Variants in DDX27 observed in about 807,000 individuals in gnomAD.
The protein encoded by DDX27 is DEAD-box helicase 27.
A neutral mutation model predicts 99.3 loss-of-function variants in DDX27; 42 were observed. The observed-to-expected ratio is 0.42, with a 90% confidence interval of 0.33 to 0.55. The LOEUF is 0.55. Among genes scored for constraint, DDX27 ranks in the 20% least tolerant of loss-of-function variants. The probability of loss-of-function intolerance (pLI) is 0.07; values close to 1 mark genes in which losing one functional copy is unlikely to be tolerated. For missense variants in DDX27, 798 were observed against 976.8 expected, an observed-to-expected ratio of 0.82 and a Z score of 2.44; for synonymous variants, 329 against 353.8, an observed-to-expected ratio of 0.93 and a Z score of 0.79.
Position 49,219,472 on chromosome 20 carries a change from C to A in DDX27, c.24C>A (p.Ile8=), listed in dbSNP as rs1979547397. ...ACATGCTTGCGGACCTCGGCTTAAT[C>A]GGAACCATAGGCGAGGATGACGAGG... The part of the protein sequence containing the change: MLADLGL[I]GTIGEDDEVP... The change falls in exon 1 of 21, where the codon ATC becomes ATA. Residue 8 remains isoleucine, a synonymous_variant. Coordinates refer to ENST00000618172, the MANE Select transcript of DDX27 (RefSeq NM_017895.8). 6 of 1,614,102 alleles carry A rather than the reference C, an allele frequency of 3.7e-6. No individual in the cohort carries two copies. Among genetic ancestry groups the A allele is most frequent in the Non-Finnish European group, 5.1e-6 (6 of 1,180,020 alleles).
At chr20:49,223,102 AGAGC>A in intron 3 of DDX27, 86 bp downstream of exon 3, 1 of 1,450,078 alleles carries the variant, frequency 6.9e-7, no homozygotes, top group Non-Finnish European at 9.6e-7. Flanking sequence ...AAGCCCTTAT[AGAGC>A]GGGGCATGGC....
chr20:49,236,491 G>A lies in DDX27; in HGVS notation c.1668G>A (p.Lys556=). Residue 556 remains lysine (K), a synonymous_variant, in exon 14 of 21, where the codon AAG becomes AAA. Coordinates refer to ENST00000618172, the MANE Select transcript of DDX27 (RefSeq NM_017895.8). The surrounding 1 kb of genome is among the most constrained non-coding windows in gnomAD (Gnocchi z 4.1). ...EIVKAAKAPV[K]ARILPQDVIL... is the part of the protein sequence containing the mutation. ...TAAAAGCTGCCAAGGCCCCTGTGAA[G>A]GCCAGGATACTTCCCCAAGGTGAGC... is the stretch of plus-strand genomic sequence containing the variant. The A allele has an allele frequency of 6.2e-7, 1 of 1,600,270 alleles. No individual in the cohort carries two copies. Among genetic ancestry groups the A allele is most frequent in the Non-Finnish European group, 8.5e-7 (1 of 1,173,450 alleles).
At position 49,228,772 on chromosome 20, in the gene DDX27, A is replaced by G. The variant is rs1401082046; in HGVS notation, c.764A>G (p.Gln255Arg). 2 of 1,612,980 alleles carry G rather than the reference A, an allele frequency of 1.2e-6. No individual in the cohort carries two copies. The highest frequency in any genetic ancestry group is 2.7e-5 in the African/African-American group (2 of 74,810). Residue 255 changes from glutamine (Q) to arginine (R), a missense_variant, in exon 8 of 21, where the codon CAG (glutamine) becomes CGG (arginine). Coordinates refer to ENST00000618172, the MANE Select transcript of DDX27 (RefSeq NM_017895.8). Reference sequence around the variant, plus strand: ...GAGCGTCTGATTTATAAACCCCGCCAGGCTCCAGTCACCCGCGTGCTGGTG... The same window carrying G: ...GAGCGTCTGATTTATAAACCCCGCCGGGCTCCAGTCACCCGCGTGCTGGTG... ...VLERLIYKPR[Q>R]APVTRVLVLV...
chr20:49,233,284 C>T (rs372163589), intron 9 of DDX27, 22 bp from the exon 10 acceptor site: 5 of 1,595,220 alleles, frequency 3.1e-6, no homozygotes, highest in African/African-American at 2.7e-5. Context: ...TCCATTTCTG[C>T]CATGTCTTTC....
At position 49,239,240 on chromosome 20, in the gene DDX27, A is replaced by C. The variant is rs748666131; in HGVS notation, c.1799A>C (p.Asn600Thr). Residue 600 changes from asparagine to threonine, a missense_variant, in exon 16 of 21, where the codon AAT becomes ACT. Transcript: ENST00000618172. The part of the protein sequence containing the change: ...KEMQQSEAQI[N>T]TAKRLLEKGK... ...ATCCTTTTGTTATCTCTACAGATCA[A>C]TACAGCAAAGCGGCTCCTGGAGAAG... 1 of 1,614,078 alleles carries C rather than the reference A, an allele frequency of 6.2e-7. No homozygotes were observed. The highest frequency in any genetic ancestry group is 1.7e-5 in the Admixed American group (1 of 59,998).
At chr20:49,222,604 TC>T (rs757337318) in intron 2 of DDX27, among the ~76,000 whole-genome samples, 2 of 151,974 alleles carry the variant, frequency 1.3e-5, no homozygotes, top group Non-Finnish European at 2.9e-5. Context: ...CACCTCCGCC[TC>T]CCAGGTTCAA....
Position 49,223,263 on chromosome 20 carries a change from C to G in DDX27, c.301-5C>G. The G allele has an allele frequency of 6.3e-7, 1 of 1,598,974 alleles. No individual in the cohort carries two copies. The highest frequency in any genetic ancestry group is 1.1e-5 in the South Asian group (1 of 88,294). The stretch of plus-strand genomic sequence containing the variant: ...TCATCACCCTCACTTTAATTTTTTT[C>G]CCAGGATAAAGAAGCCAAGTCTGGG... On this transcript the variant is annotated splice_region_variant and splice_polypyrimidine_tract_variant and intron_variant, in intron 3 of 20. Transcript: ENST00000618172.
intron 7 of DDX27, among the ~76,000 whole-genome samples, chr20:49,228,229 G>A (rs1221333090): frequency 6.6e-6 from 1 of 151,710 alleles, no homozygotes; most frequent in East Asian, 1.9e-4. Flanking sequence ...TGCAACCTCT[G>A]CCTTCAAGTG....
chr20:49,229,612 A>AGCT (rs1186610569), intron 8 of DDX27, among the ~76,000 whole-genome samples: 1 of 149,974 alleles, frequency 6.7e-6, no homozygotes, highest in Non-Finnish European at 1.5e-5. Context: ...CACTTTCCTC[A>AGCT]GCTGCTTCTC....
intron 14 of DDX27, among the ~76,000 whole-genome samples, chr20:49,237,782 G>T (rs1327676169): frequency 6.6e-6 from 1 of 152,150 alleles, no homozygotes; most frequent in African/African-American, 2.4e-5. Context: ...AGAGAACAAG[G>T]GTGGAGGCTG....
chr20:49,236,389 A>G lies in DDX27; in HGVS notation c.1566A>G (p.Arg522=). The change falls in exon 14 of 21, where the codon CGA becomes CGG. Residue 522 remains arginine (R), a synonymous_variant. Coordinates refer to ENST00000618172, the MANE Select transcript of DDX27 (RefSeq NM_017895.8). The surrounding 1 kb of genome is among the most constrained non-coding windows in gnomAD (Gnocchi z 4.1). ...AACATTATGTCCACCGGGTGGGGCG[A>G]ACAGCACGTGCTGGCAGGGCTGGGC... ...TIKHYVHRVG[R]TARAGRAGRS... is the part of the protein sequence containing the mutation. The G allele has an allele frequency of 1.9e-6, 3 of 1,611,536 alleles. No homozygotes were observed. The highest frequency in any genetic ancestry group is 2.5e-6 in the Non-Finnish European group (3 of 1,178,800).
intron 7 of DDX27, among the ~76,000 whole-genome samples, chr20:49,227,706 A>T (rs1046617538): frequency 3.3e-5 from 5 of 152,040 alleles, no homozygotes; most frequent in African/African-American, 1.2e-4. Context: ...ACAGTGCATG[A>T]GAGGATGTCC....
At chr20:49,227,153 C>T (rs544126395) in intron 7 of DDX27, among the ~76,000 whole-genome samples, 82 of 152,072 alleles carry the variant, frequency 5.4e-4, no homozygotes, top group African/African-American at 1.8e-3. Flanking sequence ...TGAGCCACCG[C>T]GCCCGGCCGA....
intron 4 of DDX27, 91 bp downstream of exon 4, chr20:49,223,524 C>A: frequency 4.1e-6 from 5 of 1,207,670 alleles, no homozygotes; most frequent in African/African-American, 1.5e-5. Flanking sequence ...CTCTTCTGCA[C>A]AGTTTATCTT....
chr20:49,223,137 G>T, intron 3 of DDX27, 121 bp downstream of exon 3: 1 of 1,355,980 alleles, frequency 7.4e-7, no homozygotes, highest in Non-Finnish European at 1.0e-6. Context: ...GCACTCTTCT[G>T]TGTGTTTGCT....
chr20:49,239,724 T>C (rs763593734), intron 16 of DDX27, among the ~76,000 whole-genome samples: 6 of 152,076 alleles, frequency 3.9e-5, no homozygotes, highest in Admixed American at 2.0e-4. Flanking sequence ...GGGACCACTG[T>C]TGTAAAGGAT....
chr20:49,242,717 C>CTTTT (rs71186444), intron 19 of DDX27, 36 bp downstream of exon 19: 27 of 1,419,874 alleles, frequency 1.9e-5, no homozygotes, highest in African/African-American at 1.1e-4. Flanking sequence ...CCTTGGTATT[C>CTTTT]TTTTTTTTTT....
Position 49,241,979 on chromosome 20 carries a change from G to C in DDX27, c.1984G>C (p.Glu662Gln). Residue 662 changes from glutamate to glutamine, a missense_variant, in exon 17 of 21, where the codon GAG becomes CAG. Around this residue, in one of 2 missense-constraint regions of DDX27, gnomAD observed 553 missense variants for 727.9 expected, o/e 0.76. Coordinates refer to ENST00000618172, the MANE Select transcript of DDX27 (RefSeq NM_017895.8). ...KFMKDAKKKG[E>Q]MTAEERSQFE... ...TATGAAGGATGCCAAAAAAAAGGGG[G>C]AGATGACAGTGAGTGGCCTCCCTTT... 6.2e-7 allele frequency: 1 copy of C among 1,613,842 alleles called. No homozygotes were observed. Among genetic ancestry groups the C allele is most frequent in the Non-Finnish European group, 8.5e-7 (1 of 1,179,940 alleles).
intron 6 of DDX27, among the ~76,000 whole-genome samples, chr20:49,225,697 C>T (rs778182829): frequency 5.3e-5 from 8 of 152,044 alleles, no homozygotes; most frequent in African/African-American, 7.2e-5. Flanking sequence ...CCTCGTGATC[C>T]GCCCGCCTCA....
Sources: gnomAD v4.1 joint callset for allele counts (sites outside exome capture counted in the v4.1 genomes callset) on GRCh38, gnomAD v4.1.1 for gene constraint, gnomAD v4.1.1 regional missense constraint, Gnocchi (gnomAD v3.1) non-coding constraint, MANE v1.5 for transcripts, NCBI Gene and HGNC (gene_info 2026-07-23, HGNC 2026-07-21) for gene names.